ARVCF: variants seen among roughly 807,000 people sequenced by gnomAD.
ARVCF encodes ARVCF delta catenin family member, also known as splicing regulator ARVCF.
Under a neutral mutation model 90.9 loss-of-function variants are expected in ARVCF, and 66 were observed. The ratio of observed to expected loss-of-function variants is 0.73; its 90% confidence interval spans 0.60 to 0.89. ARVCF has a LOEUF of 0.89. ARVCF is among the 40% of genes least tolerant of loss of function. ARVCF has a pLI of 0.00. For synonymous variants in ARVCF, 653 were observed against 603.4 expected, an observed-to-expected ratio of 1.08 and a Z score of -1.21; for missense variants, 1,469 against 1,382.3, an observed-to-expected ratio of 1.06 and a Z score of -1.00.
downstream of ARVCF, chr22:19,967,148 T>G (rs1569136589): frequency 7.7e-7 from 1 of 1,300,010 alleles, no homozygotes; most frequent in Non-Finnish European, 1.0e-6. Flanking sequence ...CCTTCTTTCC[T>G]GTTTAACTCG....
At chr22:19,981,064 C>T in intron 5 of ARVCF, 147 bp downstream of exon 5, 2 of 1,094,122 alleles carry the variant, frequency 1.8e-6, no homozygotes, top group Non-Finnish European at 2.5e-6. Context: ...CACCTTTCTT[C>T]TGTCCCTGAC....
At chr22:19,991,029 C>G (rs921030615) in intron 2 of ARVCF, among the ~76,000 whole-genome samples, 1 of 152,278 alleles carries the variant, frequency 6.6e-6, no homozygotes, top group African/African-American at 2.4e-5. Flanking sequence ...TTTTGGGACT[C>G]TAACCTGGCT....
rs1450109211 is a variant in ARVCF at position 19,977,963 on chromosome 22, T to C, written c.1693A>G (p.Asn565Asp). 8 of 1,606,176 alleles carry C rather than the reference T, an allele frequency of 5.0e-6. No homozygotes were observed. Among genetic ancestry groups the C allele is most frequent in the East Asian group, 2.2e-5 (1 of 44,720 alleles). ...QSAVGRKDTDNKSVENCVCIM... is the reference protein window; with the variant it reads ...QSAVGRKDTDDKSVENCVCIM... Reference sequence around the variant, plus strand: ...CTGTGACCGTCCCTGCCCACCTTGTTGTCAGTGTCCTTCCGGCCCACAGCC... The same window carrying C: ...CTGTGACCGTCCCTGCCCACCTTGTCGTCAGTGTCCTTCCGGCCCACAGCC... The change falls in exon 8 of 20, where the codon AAC (asparagine) becomes GAC (aspartate). Residue 565 changes from asparagine (N) to aspartate (D), a missense_variant. Asn to Asp is a conservative substitution (Grantham distance 23). Coordinates refer to ENST00000263207, the MANE Select transcript of ARVCF (RefSeq NM_001670.3).
In ARVCF at chr22:20,005,151, C is replaced by T. The variant is rs903983835; in HGVS notation, c.-19+5304G>A. On this transcript the variant is annotated intron_variant, in intron 2 of 19. Transcript: ENST00000263207. ...TAAATCATATATCTGAAAAGGAATTCATATCCAGAATATGTAAAGAACTCC... is the reference window on the plus strand; with the variant it reads ...TAAATCATATATCTGAAAAGGAATTTATATCCAGAATATGTAAAGAACTCC... Among the ~76,000 whole-genome samples the T allele has an allele frequency of 3.9e-5, 6 of 152,116 alleles. 1 individual carries two copies. In the South Asian group the frequency reaches 1.2e-3, roughly 31 times the overall value.
intron 11 of ARVCF, 112 bp from the exon 12 acceptor site, chr22:19,974,351 G>A (rs527378110): frequency 6.2e-5 from 79 of 1,278,926 alleles, no homozygotes; most frequent in Admixed American, 3.2e-4. Flanking sequence ...TGGGGCCAGG[G>A]ATGGGTGTGG....
intron 2 of ARVCF, among the ~76,000 whole-genome samples, chr22:20,005,161 A>G (rs546329315): frequency 6.6e-6 from 1 of 152,366 alleles, no homozygotes; most frequent in Admixed American, 6.5e-5. Flanking sequence ...CATATCCAGA[A>G]TATGTAAAGA....
At chr22:19,981,154 G>C (rs763492306) in intron 5 of ARVCF, 57 bp downstream of exon 5, 27 of 1,461,162 alleles carry the variant, frequency 1.8e-5, no homozygotes, top group Non-Finnish European at 2.2e-5. Context: ...CTGTAGTTGG[G>C]GGGTGGAGGG....
chr22:19,971,138 C>T, intron 19 of ARVCF, 78 bp downstream of exon 19: 3 of 1,547,086 alleles, frequency 1.9e-6, no homozygotes, highest in Non-Finnish European at 1.7e-6. Context: ...GCAGAGCGTG[C>T]AGGCAGCGGA....
chr22:20,009,932 C>T (rs1386863454), intron 2 of ARVCF, among the ~76,000 whole-genome samples: 8 of 152,238 alleles, frequency 5.3e-5, no homozygotes, highest in Admixed American at 2.0e-4. Flanking sequence ...AGAACTGCAG[C>T]TGTGACAGAG....
chr22:19,998,548 C>G (rs1399254379), intron 2 of ARVCF, among the ~76,000 whole-genome samples: 1 of 152,158 alleles, frequency 6.6e-6, no homozygotes, highest in African/African-American at 2.4e-5. Flanking sequence ...GCCGGACAGC[C>G]CAGGAGGCCA....
Position 20,005,647 on chromosome 22 carries a change from G to A in ARVCF, c.-19+4808C>T, listed in dbSNP as rs574947870. On this transcript the variant is annotated intron_variant, in intron 2 of 19. Coordinates refer to ENST00000263207, the MANE Select transcript of ARVCF (RefSeq NM_001670.3). ...ATCCTGGCTAGCACGGTGAAACCCC[G>A]TCTCTACTAAAAACACAAAAAAATT... Among the ~76,000 whole-genome samples, 30 of 152,122 alleles carry A rather than the reference G, an allele frequency of 2.0e-4. No individual in the cohort carries two copies. The East Asian group carries it at 3.7e-3, about 19-fold the overall frequency.
rs1314362043 is a variant in ARVCF, at chr22:19,973,210, T to C, written c.2347A>G (p.Ile783Val). 1.2e-6 allele frequency: 2 copies of C among 1,611,020 alleles called. No homozygotes were observed. Among genetic ancestry groups the C allele is most frequent in the Admixed American group, 1.7e-5 (1 of 59,814 alleles). The change falls in exon 14 of 20, where the codon ATC becomes GTC. Residue 783 changes from isoleucine to valine, a missense_variant. Transcript: ENST00000263207. Reference sequence around the variant, plus strand: ...AGGCTGTCGGACACGATTTCGTGGATGGTGTTGAGCACCGCCACCACGGTG... The same window carrying C: ...AGGCTGTCGGACACGATTTCGTGGACGGTGTTGAGCACCGCCACCACGGTG... ...EDTVVAVLNTIHEIVSDSLDN... is the reference protein window; with the variant it reads ...EDTVVAVLNTVHEIVSDSLDN...
At chr22:19,983,996 T>C (rs919984257) in intron 3 of ARVCF, among the ~76,000 whole-genome samples, 2 of 152,186 alleles carry the variant, frequency 1.3e-5, no homozygotes, top group Non-Finnish European at 1.5e-5. Context: ...CTGGCAAATG[T>C]GTGTCAGGCC....
intron 2 of ARVCF, among the ~76,000 whole-genome samples, chr22:19,999,992 T>C (rs1170541521): frequency 6.6e-6 from 1 of 152,174 alleles, no homozygotes; most frequent in East Asian, 1.9e-4. Context: ...GACCCAGCAC[T>C]GAGAGGTGAG....
intron 1 of ARVCF, among the ~76,000 whole-genome samples, chr22:20,012,902 T>C (rs1944888398): frequency 1.3e-5 from 2 of 152,322 alleles, no homozygotes; most frequent in South Asian, 4.1e-4. Context: ...GGGTACACAC[T>C]GGGCCCAGAA....
downstream of ARVCF, chr22:19,968,485 T>C: frequency 6.4e-7 from 1 of 1,573,234 alleles, no homozygotes; most frequent in African/African-American, 1.4e-5. Flanking sequence ...TGGGGCAGGT[T>C]CTCTGGGCAC....
intron 2 of ARVCF, among the ~76,000 whole-genome samples, chr22:20,008,180 A>C (rs1944700243): frequency 6.6e-6 from 1 of 152,218 alleles, no homozygotes; most frequent in South Asian, 2.1e-4. Flanking sequence ...TGAGAAACAC[A>C]TCAAAACCCA....
rs1450320759 is a variant in ARVCF, at chr22:19,975,678, C to G, written c.1960+8G>C. ...CCAGTGGAGCTGGCTTCATCTCAGC[C>G]CACTCACCTTTGGCGGCCTCAGTTC... On this transcript the variant is annotated splice_region_variant and intron_variant, in intron 11 of 19. Transcript: ENST00000263207. The G allele has an allele frequency of 1.9e-6, 3 of 1,613,370 alleles. No homozygotes were observed. In the African/African-American group the frequency reaches 4.0e-5, roughly 22 times the overall value.
intron 3 of ARVCF, chr22:19,987,051 C>T (rs1276225867): frequency 1.5e-6 from 1 of 654,208 alleles, no homozygotes; most frequent in Non-Finnish European, 2.8e-6. Flanking sequence ...CCAGGGTCCC[C>T]CCAAGCCAAC....
Sources: allele counts gnomAD v4.1 joint callset (sites outside exome capture counted in the v4.1 genomes callset), GRCh38; gene constraint gnomAD v4.1.1; transcripts MANE v1.5; gene names NCBI Gene and HGNC (gene_info 2026-07-23, HGNC 2026-07-21).